Variants in CAMK4 observed in about 807,000 individuals in gnomAD.
The protein encoded by CAMK4 is calcium/calmodulin-dependent protein kinase type IV.
CAMK4 carries 22 observed loss-of-function variants against 44.9 expected under a neutral mutation model. The observed-to-expected ratio is 0.49, with a 90% CI of 0.35 to 0.70. The LOEUF (loss-of-function observed/expected upper bound fraction) is 0.70, where lower values mean the gene tolerates loss of function less well. CAMK4 is among the 30% of genes least tolerant of loss of function. The pLI is 0.01. For missense variants in CAMK4, 498 were observed against 586.8 expected, an observed-to-expected ratio of 0.85 and a Z score of 1.56; for synonymous variants, 218 against 215.4, an observed-to-expected ratio of 1.01 and a Z score of -0.11.
In CAMK4 at chr5:111,492,101, G is replaced by A. The variant is rs1291577758; in HGVS notation, c.*7635G>A. On this transcript the variant is annotated 3_prime_UTR_variant, in exon 11 of 11. Transcript: ENST00000282356. ...AGGGCCCTTGTCTTAGTCTATTTCTGTCACAGAGAAATTGTTCATTCCAAA... is the reference window on the plus strand; with the variant it reads ...AGGGCCCTTGTCTTAGTCTATTTCTATCACAGAGAAATTGTTCATTCCAAA... The A allele has an allele frequency of 6.6e-6, 1 of 152,022 alleles. No homozygotes were observed. Among genetic ancestry groups the A allele is most frequent in the Non-Finnish European group, 1.5e-5 (1 of 67,998 alleles). 9.4% of individuals were successfully genotyped at this position (152,022 alleles called of 1,614,324 possible).
intron 2 of CAMK4, among the ~76,000 whole-genome samples, chr5:111,348,244 C>T (rs1034532183): frequency 6.6e-6 from 1 of 151,942 alleles, no homozygotes; most frequent in Admixed American, 6.6e-5. Flanking sequence ...ATAAAAAACC[C>T]TGAGCTTCAA....
intron 5 of CAMK4, among the ~76,000 whole-genome samples, chr5:111,443,265 TATATATATATATATACAC>T (rs1434860403): frequency 3.3e-4 from 16 of 49,060 alleles, no homozygotes; most frequent in East Asian, 1.4e-3. Context: ...TATATATATA[TATATATATATATATACAC>T]ACACACACAC....
chr5:111,448,537 G>C (rs899293207), intron 6 of CAMK4, among the ~76,000 whole-genome samples: 5 of 152,226 alleles, frequency 3.3e-5, no homozygotes, highest in African/African-American at 1.2e-4. Context: ...GCTGGGCGCG[G>C]GGGCTCACAC....
chr5:111,256,387 C>A (rs1749747336), intron 1 of CAMK4, among the ~76,000 whole-genome samples: 1 of 151,724 alleles, frequency 6.6e-6, no homozygotes, highest in African/African-American at 2.4e-5. Context: ...TCAGATTAAT[C>A]AACATGTGAG....
At chr5:111,481,290 C>T (rs1755425763) in intron 9 of CAMK4, among the ~76,000 whole-genome samples, 1 of 152,134 alleles carries the variant, frequency 6.6e-6, no homozygotes, top group Non-Finnish European at 1.5e-5. Flanking sequence ...GATTAGGGCT[C>T]ATTTACATAA....
In CAMK4 at chr5:111,272,102, T is replaced by C. The variant is rs1467671833; in HGVS notation, c.161+47458T>C. Among the ~76,000 whole-genome samples the C allele has an allele frequency of 2.7e-5, 4 of 147,522 alleles. No homozygotes were observed. In the East Asian group the frequency reaches 7.7e-4, roughly 29 times the overall value. ...GCCCACAGACAGCCCTCTGTGTGTGTGTGTTTGTGTGTGTGTTTGTGTGTG... is the reference window on the plus strand; with the variant it reads ...GCCCACAGACAGCCCTCTGTGTGTGCGTGTTTGTGTGTGTGTTTGTGTGTG... On this transcript the variant is annotated intron_variant, in intron 1 of 10. Coordinates refer to ENST00000282356, the MANE Select transcript of CAMK4 (RefSeq NM_001744.6).
At chr5:111,409,918 A>G (rs1325712810) in intron 5 of CAMK4, among the ~76,000 whole-genome samples, 1 of 152,152 alleles carries the variant, frequency 6.6e-6, no homozygotes, top group East Asian at 1.9e-4. Context: ...TAGTCAAAGC[A>G]ATTCAACAAA....
At chr5:111,258,647 A>G (rs927144668) in intron 1 of CAMK4, among the ~76,000 whole-genome samples, 3 of 151,988 alleles carry the variant, frequency 2.0e-5, no homozygotes, top group African/African-American at 7.3e-5. Context: ...TCCCTCCCAC[A>G]ACACATGGGA....
At chr5:111,398,851 A>G (rs1752118588) in intron 5 of CAMK4, among the ~76,000 whole-genome samples, 1 of 152,158 alleles carries the variant, frequency 6.6e-6, no homozygotes, top group Non-Finnish European at 1.5e-5. Flanking sequence ...AAATAATCCC[A>G]AATAATAATC....
At chr5:111,245,613 A>T (rs1181229006) in intron 1 of CAMK4, among the ~76,000 whole-genome samples, 2 of 152,214 alleles carry the variant, frequency 1.3e-5, no homozygotes, top group East Asian at 3.8e-4. Flanking sequence ...ATTCCATTAA[A>T]TAGCAGCAAA....
rs555785296 is a variant in CAMK4, at chr5:111,328,979, A to G, written c.162-15045A>G. On this transcript the variant is annotated intron_variant, in intron 1 of 10. Coordinates refer to ENST00000282356, the MANE Select transcript of CAMK4 (RefSeq NM_001744.6). ...ATGAACATCGATGCAAAATTCCTCAATAAAATACTGCAAACCGAATGCAGC... is the reference window on the plus strand; with the variant it reads ...ATGAACATCGATGCAAAATTCCTCAGTAAAATACTGCAAACCGAATGCAGC... Among the ~76,000 whole-genome samples the G allele has an allele frequency of 2.1e-4, 32 of 152,092 alleles. No individual in the cohort carries two copies. In the South Asian group the frequency reaches 4.2e-3, roughly 20 times the overall value.
In CAMK4 at chr5:111,286,757, CAT is replaced by C. The variant is rs549064203; in HGVS notation, c.162-57265_162-57264del. ...CAATAGTGAAGTTCCAAATATAGAA[CAT>C]AAAATTTTTGTCTAAGCTGGTTGGG... On this transcript the variant is annotated intron_variant, in intron 1 of 10. Transcript: ENST00000282356. Among the ~76,000 whole-genome samples the C allele has an allele frequency of 1.4e-4, 22 of 152,072 alleles. No individual in the cohort carries two copies. In the East Asian group the frequency reaches 3.7e-3, roughly 25 times the overall value.
rs1292393349 is a variant in CAMK4, at chr5:111,404,533, CAT to C, written c.459+9753_459+9754del. On this transcript the variant is annotated intron_variant, in intron 5 of 10. Coordinates refer to ENST00000282356, the MANE Select transcript of CAMK4 (RefSeq NM_001744.6). The stretch of plus-strand genomic sequence containing the variant: ...AAGAAAAACCTTGTGGCAGATAGAA[CAT>C]AGTTCATTATTTAAGTGTGGGGATA... Among the ~76,000 whole-genome samples the C allele has an allele frequency of 3.9e-5, 6 of 152,296 alleles. No homozygotes were observed. In the East Asian group the frequency reaches 7.7e-4, roughly 20 times the overall value.
At position 111,485,103 on chromosome 5, in the gene CAMK4, T is replaced by A. The variant is rs1044224020; in HGVS notation, c.*637T>A. On this transcript the variant is annotated 3_prime_UTR_variant, in exon 11 of 11. Coordinates refer to ENST00000282356, the MANE Select transcript of CAMK4 (RefSeq NM_001744.6). The stretch of plus-strand genomic sequence containing the variant: ...TTCTTATTTATATACACTATATTAA[T>A]AATAACCAAAATGTTCTAAGATTCT... 2 of 152,192 alleles carry A rather than the reference T, an allele frequency of 1.3e-5. No homozygotes were observed. Among genetic ancestry groups the A allele is most frequent in the African/African-American group, 4.8e-5 (2 of 41,452 alleles). 9.4% of individuals were successfully genotyped at this position (152,192 alleles called of 1,614,324 possible).
At chr5:111,418,970 G>A (rs539926371) in intron 5 of CAMK4, among the ~76,000 whole-genome samples, 10 of 152,184 alleles carry the variant, frequency 6.6e-5, no homozygotes, top group African/African-American at 2.2e-4. Context: ...TAATGGGATG[G>A]CTGGGTCAAA....
At chr5:111,447,567 A>G (rs547474461) in intron 6 of CAMK4, among the ~76,000 whole-genome samples, 1 of 152,326 alleles carries the variant, frequency 6.6e-6, no homozygotes, top group Non-Finnish European at 1.5e-5. Context: ...AAAAAAATAA[A>G]TGTTACTTTC....
chr5:111,281,918 C>T (rs1246923668), intron 1 of CAMK4, among the ~76,000 whole-genome samples: 1 of 151,602 alleles, frequency 6.6e-6, no homozygotes, highest in Non-Finnish European at 1.5e-5. Context: ...ATTAGCCGGG[C>T]GAGGTGGCGG....
At chr5:111,399,135 C>T (rs1021015186) in intron 5 of CAMK4, among the ~76,000 whole-genome samples, 1 of 152,096 alleles carries the variant, frequency 6.6e-6, no homozygotes, top group Non-Finnish European at 1.5e-5. Context: ...CCTGCATATT[C>T]AGGTTCCTTC....
At chr5:111,457,233 A>G (rs192602636) in intron 7 of CAMK4, among the ~76,000 whole-genome samples, 118 of 152,332 alleles carry the variant, frequency 7.7e-4, no homozygotes, top group African/African-American at 2.8e-3. Context: ...TTTATTAAAA[A>G]TAAACAATAA....
Sources: gnomAD v4.1 joint callset for allele counts (sites outside exome capture counted in the v4.1 genomes callset) on GRCh38, gnomAD v4.1.1 for gene constraint, MANE v1.5 for transcripts, NCBI Gene and HGNC (gene_info 2026-07-23, HGNC 2026-07-21) for gene names.